Variants in MEGF11 observed in about 807,000 individuals in gnomAD.
MEGF11 encodes the protein multiple EGF like domains 11, also known as multiple epidermal growth factor-like domains protein 11.
MEGF11 carries 126 observed loss-of-function variants against 146.6 expected under a neutral mutation model. That is an observed-to-expected ratio of 0.86 (90% CI 0.74 to 1.00). MEGF11 has a LOEUF of 1.00. Among genes scored for constraint, MEGF11 ranks in the 50% least tolerant of loss-of-function variants. MEGF11 has a pLI of 0.00. For missense variants in MEGF11, 1,509 were observed against 1,521.2 expected (o/e 0.99, Z 0.13); for synonymous variants, 532 against 583.4 (o/e 0.91, Z 1.27).
intron 5 of MEGF11, among the ~76,000 whole-genome samples, chr15:65,990,133 C>A (rs944276754): frequency 6.6e-6 from 1 of 152,138 alleles, no homozygotes; most frequent in Non-Finnish European, 1.5e-5. Flanking sequence ...ATCACTTGAG[C>A]CCAGGAGGTC....
chr15:66,130,084 G>A (rs746636259), intron 1 of MEGF11, among the ~76,000 whole-genome samples: 4 of 152,150 alleles, frequency 2.6e-5, no homozygotes, highest in Middle Eastern at 6.3e-3. Flanking sequence ...ACCTCAGAAG[G>A]CTCCACACAA....
At chr15:66,124,925 A>G (rs958065345) in intron 2 of MEGF11, among the ~76,000 whole-genome samples, 1 of 152,242 alleles carries the variant, frequency 6.6e-6, no homozygotes, top group Non-Finnish European at 1.5e-5. Flanking sequence ...ATTAATTTCT[A>G]TGTAGGCTGG....
chr15:65,974,716 C>G (rs548533383), intron 7 of MEGF11, among the ~76,000 whole-genome samples: 4 of 152,252 alleles, frequency 2.6e-5, no homozygotes, highest in African/African-American at 9.6e-5. Context: ...TGGGGGTACT[C>G]CAGGCATGGC....
intron 1 of MEGF11, among the ~76,000 whole-genome samples, chr15:66,211,560 G>T (rs1198452515): frequency 4.6e-5 from 7 of 150,828 alleles, no homozygotes; most frequent in African/African-American, 1.7e-4. Context: ...TCCAATGTGA[G>T]CTGCACTCAA....
chr15:66,080,897 G>A (rs114234437), intron 5 of MEGF11, among the ~76,000 whole-genome samples: 62 of 152,354 alleles, frequency 4.1e-4, no homozygotes, highest in African/African-American at 1.2e-3. Context: ...TCTGCGAAGG[G>A]CCGCGGGCTT....
intron 1 of MEGF11, among the ~76,000 whole-genome samples, chr15:66,243,924 T>G (rs1367419055): frequency 6.6e-6 from 1 of 152,156 alleles, no homozygotes; most frequent in Non-Finnish European, 1.5e-5. Context: ...TCAGGAAGCA[T>G]GGCCACCTCA....
chr15:65,996,013 C>A (rs912575231), intron 5 of MEGF11, among the ~76,000 whole-genome samples: 30 of 152,174 alleles, frequency 2.0e-4, no homozygotes, highest in African/African-American at 6.8e-4. Flanking sequence ...CCAGATGTCA[C>A]CAGAGTCCTG....
At chr15:65,970,502 A>G (rs1596931364) in intron 8 of MEGF11, 51 bp downstream of exon 8, 5 of 1,586,158 alleles carry the variant, frequency 3.2e-6, no homozygotes, top group East Asian at 2.3e-5. Context: ...CAAGTCTCCT[A>G]TGAATATGAG....
At chr15:66,086,378 G>T (rs2086109641) in intron 5 of MEGF11, among the ~76,000 whole-genome samples, 1 of 152,188 alleles carries the variant, frequency 6.6e-6, no homozygotes, top group South Asian at 2.1e-4. Context: ...CCAAAGTTAA[G>T]ACTAAGGAAA....
chr15:66,069,160 T>G (rs562538914), intron 5 of MEGF11, among the ~76,000 whole-genome samples: 1 of 150,592 alleles, frequency 6.6e-6, no homozygotes, highest in East Asian at 1.9e-4. Flanking sequence ...TAAAAGTAAT[T>G]GCAAAAAAGT....
chr15:66,090,118 G>A (rs2086263044), intron 5 of MEGF11, among the ~76,000 whole-genome samples: 1 of 152,130 alleles, frequency 6.6e-6, no homozygotes, highest in Admixed American at 6.5e-5. Context: ...TTTCAGCTAG[G>A]GGCTTATAAG....
chr15:66,121,436 A>G (rs931086991), intron 3 of MEGF11, among the ~76,000 whole-genome samples: 6 of 152,214 alleles, frequency 3.9e-5, no homozygotes, highest in Non-Finnish European at 7.4e-5. Flanking sequence ...CTTTCTGCAA[A>G]TAGCAACTAT....
chr15:65,942,576 T>A (rs2080035394), intron 10 of MEGF11, among the ~76,000 whole-genome samples: 1 of 152,160 alleles, frequency 6.6e-6, no homozygotes. Context: ...GTGTTGCTGC[T>A]GCTGACCTCA....
intron 5 of MEGF11, among the ~76,000 whole-genome samples, chr15:65,996,899 G>T (rs961517780): frequency 3.3e-5 from 5 of 152,202 alleles, no homozygotes; most frequent in South Asian, 2.1e-4. Context: ...AAGGCCATTG[G>T]TCTGGTGAGT....
chr15:65,929,985 G>T, intron 11 of MEGF11, 102 bp from the exon 12 acceptor site: 1 of 1,142,214 alleles, frequency 8.8e-7, no homozygotes, highest in Non-Finnish European at 1.2e-6. Context: ...CCAAACCACT[G>T]CTTTCCTGAG....
rs80017947 is a variant in MEGF11, at chr15:66,133,547, C to A, written c.-8-5136G>T. Among the ~76,000 whole-genome samples the A allele has an allele frequency of 4.8e-3, 728 of 152,302 alleles. 6 individuals carry two copies. Among genetic ancestry groups the A allele is most frequent in the African/African-American group, 0.017 (692 of 41,552 alleles). ...AATGGGGCAAATGCCAAGGTTATCG[C>A]CCCGTCTAGTGGCCTTCCCCTTCCT... On this transcript the variant is annotated intron_variant, in intron 1 of 25. Coordinates refer to ENST00000395614, the MANE Select transcript of MEGF11 (RefSeq NM_001385028.1).
intron 5 of MEGF11, among the ~76,000 whole-genome samples, chr15:66,089,429 G>C (rs562160674): frequency 9.2e-4 from 140 of 152,308 alleles, no homozygotes; most frequent in African/African-American, 3.1e-3. Flanking sequence ...AATGGGAAAC[G>C]GAAGAGCAGC....
intron 11 of MEGF11, among the ~76,000 whole-genome samples, chr15:65,930,192 C>T (rs936675781): frequency 1.5e-4 from 23 of 152,176 alleles, no homozygotes; most frequent in African/African-American, 5.6e-4. Context: ...CAGCTTATCT[C>T]AGGACCCTCT....
intron 1 of MEGF11, among the ~76,000 whole-genome samples, chr15:66,168,842 G>A (rs559054618): frequency 5.6e-4 from 85 of 152,242 alleles, no homozygotes; most frequent in Admixed American, 1.4e-3. Context: ...ACAAAATTTA[G>A]CCGGGCGTGG....
Sources: gnomAD v4.1 joint callset for allele counts (sites outside exome capture counted in the v4.1 genomes callset) on GRCh38, gnomAD v4.1.1 for gene constraint, MANE v1.5 for transcripts, NCBI Gene and HGNC (gene_info 2026-07-23, HGNC 2026-07-21) for gene names.